TBC1D5: variants seen among roughly 807,000 people sequenced by gnomAD.
The protein encoded by TBC1D5 is TBC1 domain family, member 5.
A neutral mutation model predicts 100.3 loss-of-function variants in TBC1D5; 75 were observed. The ratio of observed to expected loss-of-function variants is 0.75; its 90% CI spans 0.62 to 0.91. The LOEUF (loss-of-function observed/expected upper bound fraction) is 0.91. Ranked by LOEUF, TBC1D5 falls within the 40% of genes least tolerant of loss-of-function variation. TBC1D5 has a pLI of 0.00. For synonymous variants in TBC1D5, 323 were observed against 325.6 expected (o/e 0.99, Z 0.09); for missense variants, 910 against 942.4 (o/e 0.97, Z 0.45).
At chr3:17,321,997 G>C (rs574841579) in intron 13 of TBC1D5, among the ~76,000 whole-genome samples, 1 of 152,258 alleles carries the variant, frequency 6.6e-6, no homozygotes, top group East Asian at 1.9e-4. Context: ...TGAATTACGA[G>C]AGGTACAAGT....
intron 2 of TBC1D5, among the ~76,000 whole-genome samples, chr3:17,545,769 A>G (rs1315451852): frequency 1.3e-5 from 2 of 152,220 alleles, no homozygotes; most frequent in Non-Finnish European, 2.9e-5. Context: ...TGCCAATTAC[A>G]TCACTCATTA....
intron 2 of TBC1D5, among the ~76,000 whole-genome samples, chr3:17,536,422 T>C (rs1192627381): frequency 1.3e-5 from 2 of 152,212 alleles, no homozygotes; most frequent in African/African-American, 4.8e-5. Flanking sequence ...TCCATTTAAG[T>C]GTACAATTTA....
Position 17,525,223 on chromosome 3 carries a change from A to G in TBC1D5, c.-35-16618T>C, listed in dbSNP as rs185026081. Among the ~76,000 whole-genome samples, 41 of 152,220 alleles carry G rather than the reference A, an allele frequency of 2.7e-4. No homozygotes were observed. The East Asian group carries it at 3.7e-3, about 14-fold the overall frequency. ...CGGCTCACTGCAACCTCCGACCCCA[A>G]GGTTCAAGCAATTCTCCTGCCTCAG... is the stretch of plus-strand genomic sequence containing the variant. On this transcript the variant is annotated intron_variant, in intron 2 of 21. Coordinates refer to ENST00000253692, the Ensembl canonical transcript of TBC1D5.
intron 14 of TBC1D5, among the ~76,000 whole-genome samples, chr3:17,292,997 A>G (rs901249102): frequency 5.9e-5 from 9 of 152,200 alleles, no homozygotes; most frequent in Admixed American, 1.3e-4. Flanking sequence ...ATTTCTTGCT[A>G]TAACTTCCTA....
chr3:17,395,592 TA>T (rs1559794790), intron 8 of TBC1D5, among the ~76,000 whole-genome samples: 1 of 152,124 alleles, frequency 6.6e-6, no homozygotes, highest in Non-Finnish European at 1.5e-5. Context: ...CATAATCATA[TA>T]AATCTACAAC....
intron 10 of TBC1D5, among the ~76,000 whole-genome samples, chr3:17,375,358 A>T (rs1277061201): frequency 6.6e-6 from 1 of 151,974 alleles, no homozygotes; most frequent in African/African-American, 2.4e-5. Flanking sequence ...CACGAGGTCA[A>T]GAGATCAAGA....
chr3:17,164,432 A>G (rs1014633615), intron 21 of TBC1D5, among the ~76,000 whole-genome samples: 5 of 152,186 alleles, frequency 3.3e-5, no homozygotes, highest in Non-Finnish European at 7.4e-5. Context: ...TACATCTCCA[A>G]TGTGTCAAGA....
At chr3:17,419,815 A>G (rs1468295159) in intron 4 of TBC1D5, among the ~76,000 whole-genome samples, 1 of 152,196 alleles carries the variant, frequency 6.6e-6, no homozygotes, top group Non-Finnish European at 1.5e-5. Flanking sequence ...AGGTGGGACT[A>G]GAGGCATGTG....
chr3:17,266,486 A>T (rs2078862241), intron 15 of TBC1D5, among the ~76,000 whole-genome samples: 1 of 152,130 alleles, frequency 6.6e-6, no homozygotes, highest in South Asian at 2.1e-4. Flanking sequence ...ATTTATGCAT[A>T]ATAGTATATT....
chr3:17,552,446 G>C (rs1028143771), intron 2 of TBC1D5, among the ~76,000 whole-genome samples: 2 of 152,090 alleles, frequency 1.3e-5, no homozygotes, highest in Non-Finnish European at 2.9e-5. Context: ...AGACCAGGTT[G>C]AGGGGAAGAA....
rs556498634 is a variant in TBC1D5 at position 17,658,998 on chromosome 3, G to A, written c.-100-35085C>T. 4.6e-5 allele frequency among the ~76,000 whole-genome samples: 7 copies of A among 152,190 alleles called. No individual in the cohort carries two copies. The South Asian group carries it at 1.5e-3, about 32-fold the overall frequency. On this transcript the variant is annotated intron_variant, in intron 1 of 21. Transcript: ENST00000253692. ...TACAAGAGAAATCATCAAATAGGAA[G>A]GTATATCAGAATTTGGGAGACAGAG...
At chr3:17,529,463 C>T (rs2096187520) in intron 2 of TBC1D5, among the ~76,000 whole-genome samples, 1 of 152,032 alleles carries the variant, frequency 6.6e-6, no homozygotes. Flanking sequence ...ATCTTTCCAT[C>T]ATTGTACTTA....
intron 1 of TBC1D5, among the ~76,000 whole-genome samples, chr3:17,636,892 T>G (rs1476716866): frequency 1.3e-5 from 2 of 152,126 alleles, no homozygotes; most frequent in Non-Finnish European, 2.9e-5. Context: ...CTCAAGGATA[T>G]GTGATAATTT....
chr3:17,546,685 C>G (rs945436877), intron 2 of TBC1D5, among the ~76,000 whole-genome samples: 1 of 151,362 alleles, frequency 6.6e-6, no homozygotes, highest in Non-Finnish European at 1.5e-5. Flanking sequence ...TCCTGAGTCT[C>G]CCGAGGGGAA....
At chr3:17,563,166 T>C (rs2096570541) in intron 2 of TBC1D5, among the ~76,000 whole-genome samples, 1 of 152,196 alleles carries the variant, frequency 6.6e-6, no homozygotes, top group Non-Finnish European at 1.5e-5. Context: ...AAATTGGGAA[T>C]ACTAGACAGA....
rs941094154 is a variant in TBC1D5, at chr3:17,239,337, C to T, written c.1332-918G>A. The stretch of plus-strand genomic sequence containing the variant: ...TTTCAGAGGTTGTTATTCCTGCATC[C>T]TCCTCTCCTGCATCATCATTTTCTC... On this transcript the variant is annotated intron_variant, in intron 16 of 21. Transcript: ENST00000253692. Among the ~76,000 whole-genome samples the T allele has an allele frequency of 3.9e-5, 6 of 152,176 alleles. No homozygotes were observed. In the East Asian group the frequency reaches 1.2e-3, roughly 29 times the overall value.
At chr3:17,346,288 C>A (rs77596995) in intron 13 of TBC1D5, among the ~76,000 whole-genome samples, 1 of 152,062 alleles carries the variant, frequency 6.6e-6, no homozygotes, top group African/African-American at 2.4e-5. Context: ...TTTGGCTTCA[C>A]CTTTGCTAAC....
At chr3:17,661,893 C>T (rs2066694819) in intron 1 of TBC1D5, among the ~76,000 whole-genome samples, 1 of 151,778 alleles carries the variant, frequency 6.6e-6, no homozygotes, top group Admixed American at 6.6e-5. Context: ...TCTCCCTCAA[C>T]TCCCCCTTTT....
chr3:17,657,759 G>C (rs527560486), intron 1 of TBC1D5, among the ~76,000 whole-genome samples: 1 of 152,294 alleles, frequency 6.6e-6, no homozygotes, highest in African/African-American at 2.4e-5. Context: ...CCTTCCTGTA[G>C]ATTTTAAACT....
Sources: allele counts gnomAD v4.1 joint callset (sites outside exome capture counted in the v4.1 genomes callset), GRCh38; gene constraint gnomAD v4.1.1; transcripts MANE v1.5; gene names NCBI Gene and HGNC (gene_info 2026-07-23, HGNC 2026-07-21).